Variants in RBFOX3 observed in about 807,000 individuals in gnomAD.
RBFOX3 encodes the protein RNA binding fox-1 homolog 3.
Under a neutral mutation model 48.7 loss-of-function variants are expected in RBFOX3, and 17 were observed. That is an observed-to-expected ratio of 0.35 (90% CI 0.24 to 0.52). The LOEUF is 0.52. Ranked by LOEUF, RBFOX3 falls within the 20% of genes least tolerant of loss-of-function variation. The probability of loss-of-function intolerance (pLI) is 0.94; values close to 1 mark genes in which losing one functional copy is unlikely to be tolerated. For synonymous variants in RBFOX3, 212 were observed against 209.5 expected (o/e 1.01, Z -0.10); for missense variants, 382 against 497.5 (o/e 0.77, Z 2.21).
intron 1 of RBFOX3, among the ~76,000 whole-genome samples, chr17:79,587,230 G>A (rs2093277863): frequency 6.6e-6 from 1 of 152,196 alleles, no homozygotes; most frequent in African/African-American, 2.4e-5. Context: ...AGGGAGCATG[G>A]CTGGTCACGA....
chr17:79,375,654 G>A (rs895685441), intron 2 of RBFOX3, among the ~76,000 whole-genome samples: 2 of 152,048 alleles, frequency 1.3e-5, no homozygotes, highest in African/African-American at 4.8e-5. Context: ...TGATGGAGGT[G>A]GGGTGAGAGG....
the RBFOX3 span, among the ~76,000 whole-genome samples, chr17:79,637,614 G>C: frequency 6.6e-6 from 1 of 151,498 alleles, no homozygotes; most frequent in South Asian, 2.1e-4. Flanking sequence ...AGAATCACTT[G>C]AACCCAGGAG....
At chr17:79,261,937 G>T (rs571262879) in intron 3 of RBFOX3, among the ~76,000 whole-genome samples, 1 of 152,212 alleles carries the variant, frequency 6.6e-6, no homozygotes, top group South Asian at 2.1e-4. Flanking sequence ...GCTTGTGGAG[G>T]GGGGAGGCGT....
At chr17:79,384,486 C>G (rs1301682294) in intron 2 of RBFOX3, among the ~76,000 whole-genome samples, 1 of 152,192 alleles carries the variant, frequency 6.6e-6, no homozygotes, top group African/African-American at 2.4e-5. Flanking sequence ...AGGCTGGACT[C>G]TGGAGAACCG....
chr17:79,312,077 C>T (rs561945540), intron 2 of RBFOX3, among the ~76,000 whole-genome samples: 32 of 152,246 alleles, frequency 2.1e-4, no homozygotes, highest in Admixed American at 1.6e-3. Context: ...AAGCAAAATG[C>T]CACAGTTAGC....
intron 3 of RBFOX3, among the ~76,000 whole-genome samples, chr17:79,265,082 C>T (rs1044115735): frequency 3.3e-5 from 5 of 152,302 alleles, no homozygotes; most frequent in East Asian, 1.9e-4. Context: ...CCAGATGCCA[C>T]GCTCGGCAGT....
intron 3 of RBFOX3, among the ~76,000 whole-genome samples, chr17:79,274,812 C>T (rs1479053100): frequency 1.3e-5 from 2 of 152,114 alleles, no homozygotes; most frequent in African/African-American, 4.8e-5. Flanking sequence ...CCCATCCTCC[C>T]TGACCACGGT....
intron 2 of RBFOX3, among the ~76,000 whole-genome samples, chr17:79,349,223 A>G (rs2083434526): frequency 6.6e-6 from 1 of 151,998 alleles, no homozygotes; most frequent in Admixed American, 6.6e-5. Flanking sequence ...ATCCCTGCTC[A>G]GCCCCTGCAC....
Position 79,096,668 on chromosome 17 carries a change from A to G in RBFOX3, c.921T>C (p.Tyr307=). The change falls in exon 12 of 15, where the codon TAT becomes TAC. Residue 307 remains tyrosine (Y), a synonymous_variant. Coordinates refer to ENST00000693108, the MANE Select transcript of RBFOX3 (RefSeq NM_001350451.2). ...CTACACTTACATAAATCTCAGCACC[A>G]TAAAATCCATCCTGATACACGACCC... ...ASRVVYQDGF[Y]GAEIYGGYAA... The G allele has an allele frequency of 2.0e-6, 3 of 1,494,216 alleles. No homozygotes were observed. The highest frequency in any genetic ancestry group is 1.4e-5 in the African/African-American group (1 of 71,066). 92.6% of individuals were successfully genotyped at this position (1,494,216 alleles called of 1,614,324 possible). A position where few individuals can be genotyped will look rare whatever the true frequency, so the allele number is the denominator to read the frequency against.
chr17:79,596,107 A>G (rs1176097417), intron 1 of RBFOX3, among the ~76,000 whole-genome samples: 1 of 152,174 alleles, frequency 6.6e-6, no homozygotes, highest in Non-Finnish European at 1.5e-5. Context: ...CAAGCCCAGG[A>G]AAGAGGGGTG....
At chr17:79,267,077 G>T (rs1313901410) in intron 3 of RBFOX3, among the ~76,000 whole-genome samples, 1 of 152,156 alleles carries the variant, frequency 6.6e-6, no homozygotes, top group African/African-American at 2.4e-5. Context: ...AGTTAGGGTG[G>T]TCTTGTGGGG....
At chr17:79,380,145 C>A (rs898916081) in intron 2 of RBFOX3, among the ~76,000 whole-genome samples, 1 of 151,884 alleles carries the variant, frequency 6.6e-6, no homozygotes, top group African/African-American at 2.4e-5. Flanking sequence ...GCATCTCTAA[C>A]CCTCCCCGTC....
intron 1 of RBFOX3, among the ~76,000 whole-genome samples, chr17:79,538,060 G>A (rs970543464): frequency 6.6e-6 from 1 of 152,226 alleles, no homozygotes; most frequent in African/African-American, 2.4e-5. Flanking sequence ...CCAGCACAGG[G>A]GTTGGGGCAG....
intron 4 of RBFOX3, among the ~76,000 whole-genome samples, chr17:79,200,889 C>T (rs905280441): frequency 6.6e-6 from 1 of 152,010 alleles, no homozygotes; most frequent in African/African-American, 2.4e-5. Context: ...GCCTTTCACC[C>T]CCTCCTGCGT....
intron 1 of RBFOX3, among the ~76,000 whole-genome samples, chr17:79,558,169 G>A (rs1294778047): frequency 6.6e-6 from 1 of 152,172 alleles, no homozygotes; most frequent in Admixed American, 6.5e-5. Flanking sequence ...CACTGTTTGG[G>A]GGCAGGAAAG....
Position 79,607,483 on chromosome 17 carries a change from C to G in RBFOX3, c.-320+3343G>C, listed in dbSNP as rs1007128878. 2.0e-3 allele frequency among the ~76,000 whole-genome samples: 299 copies of G among 152,260 alleles called. 1 individual carries two copies. Among genetic ancestry groups the G allele is most frequent in the African/African-American group, 7.0e-3 (289 of 41,540 alleles). On this transcript the variant is annotated intron_variant, in intron 1 of 14. Coordinates refer to ENST00000693108, the MANE Select transcript of RBFOX3 (RefSeq NM_001350451.2). ...TCGCGTTCAGCACTGTGGCTCTGGC[C>G]CACTGACATGTTTTCCTCTCTTTAC... is the stretch of plus-strand genomic sequence containing the variant.
Position 79,374,229 on chromosome 17 carries a change from G to A in RBFOX3, c.-174-66405C>T, listed in dbSNP as rs577631877. 9.8e-5 allele frequency among the ~76,000 whole-genome samples: 15 copies of A among 152,332 alleles called. No individual in the cohort carries two copies. The South Asian group carries it at 3.1e-3, about 32-fold the overall frequency. ...TACATGGAGCAGATTCCAGGGAGAG[G>A]AGGGGCTGACGAGGAGAGTGGGCGT... On this transcript the variant is annotated intron_variant, in intron 2 of 14. Transcript: ENST00000693108.
intron 4 of RBFOX3, among the ~76,000 whole-genome samples, chr17:79,225,728 C>G (rs1310252074): frequency 6.6e-6 from 1 of 152,212 alleles, no homozygotes. Context: ...GGAGGGGGTA[C>G]TGGGTCCCTT....
the RBFOX3 span, among the ~76,000 whole-genome samples, chr17:79,647,957 C>A: frequency 6.6e-6 from 1 of 151,220 alleles, no homozygotes; most frequent in Non-Finnish European, 1.5e-5. Context: ...CAGTGGTGGA[C>A]ACAGAGCCCA....
Sources: allele counts gnomAD v4.1 joint callset (sites outside exome capture counted in the v4.1 genomes callset), GRCh38; gene constraint gnomAD v4.1.1; transcripts MANE v1.5; gene names NCBI Gene and HGNC (gene_info 2026-07-23, HGNC 2026-07-21).